The following RPL13A variants were observed in gnomAD, a reference collection of about 807,000 sequenced individuals.
RPL13A encodes the protein ribosomal protein L13a, also known as large ribosomal subunit protein uL13.
Under a neutral mutation model 30.8 loss-of-function variants are expected in RPL13A, and 4 were observed. The observed-to-expected ratio is 0.13, with a 90% confidence interval of 0.06 to 0.30. The LOEUF (loss-of-function observed/expected upper bound fraction) is 0.30. Among genes scored for constraint, RPL13A ranks in the 10% least tolerant of loss-of-function variants. The pLI, the probability that RPL13A is intolerant of heterozygous loss-of-function variation, is 1.00. For missense variants in RPL13A, 196 were observed against 272.6 expected (o/e 0.72, Z 1.98); for synonymous variants, 108 against 104.2 (o/e 1.04, Z -0.22).
In RPL13A at chr19:49,491,897, G is replaced by A; in HGVS notation, c.*82G>A. The A allele has an allele frequency of 8.7e-7, 1 of 1,143,274 alleles. No homozygotes were observed. The allele number at this position is 1,143,274 out of a possible 1,614,324, so 70.8% of individuals were successfully genotyped here. On this transcript the variant is annotated 3_prime_UTR_variant, in exon 8 of 8. Coordinates refer to ENST00000391857, the MANE Select transcript of RPL13A (RefSeq NM_012423.4). ...CTGGAATGTACGGGACCCAGGGGCA[G>A]CAGCAGTCCAGGTGCCACAGGCAGC...
At chr19:49,489,383 C>T (rs2079842025) in intron 1 of RPL13A, among the ~76,000 whole-genome samples, 1 of 151,928 alleles carries the variant, frequency 6.6e-6, no homozygotes, top group Non-Finnish European at 1.5e-5. Flanking sequence ...CGCCTGTAGT[C>T]CCAGCTACTC....
chr19:49,490,859 G>T lies in RPL13A; in HGVS notation c.337G>T (p.Asp113Tyr). Reference sequence around the variant, plus strand: ...GTTTGACGGCATCCCACCGCCCTACGACAAGGTGAGCTATGCCAAACCCCA... The same window carrying T: ...GTTTGACGGCATCCCACCGCCCTACTACAAGGTGAGCTATGCCAAACCCCA... ...KVFDGIPPPY[D>Y]KKKRMVVPAA... The change falls in exon 5 of 8, where the codon GAC (aspartate) becomes TAC (tyrosine). Residue 113 changes from aspartate to tyrosine, a missense_variant. By Grantham distance (160) the Asp-to-Tyr change is radical. Coordinates refer to ENST00000391857, the MANE Select transcript of RPL13A (RefSeq NM_012423.4). 6.2e-7 allele frequency: 1 copy of T among 1,614,102 alleles called. No homozygotes were observed. The highest frequency in any genetic ancestry group is 1.1e-5 in the South Asian group (1 of 91,074).
Position 49,487,719 on chromosome 19 carries a change from G to A in RPL13A, c.15+75G>A, listed in dbSNP as rs2079819148. 4.3e-6 allele frequency: 6 copies of A among 1,392,682 alleles called. No individual in the cohort carries two copies. The East Asian group carries it at 1.7e-4, about 40-fold the overall frequency. 86.3% of individuals were successfully genotyped at this position (1,392,682 alleles called of 1,614,324 possible). A position where few individuals can be genotyped will look rare whatever the true frequency, so the allele number is the denominator to read the frequency against. Reference sequence around the variant, plus strand: ...GCCGGAATGGGGTCGCACCCTCTCTGTCTTGCATGTTTTGCGGAGCTTAAC... The same window carrying A: ...GCCGGAATGGGGTCGCACCCTCTCTATCTTGCATGTTTTGCGGAGCTTAAC... On this transcript the variant is annotated intron_variant, in intron 1 of 7. Transcript: ENST00000391857.
chr19:49,490,920 C>T (rs2079860676), intron 5 of RPL13A, 56 bp downstream of exon 5: 1 of 1,605,822 alleles, frequency 6.2e-7, no homozygotes, highest in Non-Finnish European at 8.5e-7. Flanking sequence ...CCATGATGTT[C>T]CGCAACTACC....
At chr19:49,489,709 C>A in intron 1 of RPL13A, 141 bp from the exon 2 acceptor site, 2 of 720,124 alleles carry the variant, frequency 2.8e-6, no homozygotes, top group South Asian at 1.6e-5. Context: ...TAGAACGGGG[C>A]TCCGTGCATA....
chr19:49,490,381 A>AG, intron 3 of RPL13A, 84 bp downstream of exon 3: 1 of 1,588,282 alleles, frequency 6.3e-7, no homozygotes, highest in South Asian at 1.1e-5. Context: ...CCGTGTTGGG[A>AG]GAGGCTACTT....
chr19:49,491,266 G>A (rs1323522359), intron 6 of RPL13A, 159 bp from the exon 7 acceptor site: 2 of 1,165,234 alleles, frequency 1.7e-6, no homozygotes, highest in East Asian at 2.3e-5. Flanking sequence ...AGGAGGCTTG[G>A]GTGGGTGCTT....
rs777411635 is a variant in RPL13A, at chr19:49,491,830, GT to G, written c.*17del. On this transcript the variant is annotated 3_prime_UTR_variant, in exon 8 of 8. Coordinates refer to ENST00000391857, the MANE Select transcript of RPL13A (RefSeq NM_012423.4). ...TCCTGGTCTGAGCCCAATAAAGACT[GT>G]TAATTCCTCATGCGTTGCCTGCCCT... 1 of 1,582,386 alleles carries G rather than the reference GT, an allele frequency of 6.3e-7. No homozygotes were observed. The highest frequency in any genetic ancestry group is 1.3e-5 in the African/African-American group (1 of 74,642).
chr19:49,490,169 C>T, intron 2 of RPL13A, 63 bp from the exon 3 acceptor site: 1 of 1,480,112 alleles, frequency 6.8e-7, no homozygotes, highest in East Asian at 2.3e-5. Context: ...TGGAGGGTGA[C>T]TGCATAGGCA....
intron 3 of RPL13A, 84 bp from the exon 4 acceptor site, chr19:49,490,391 T>G: frequency 1.3e-6 from 2 of 1,588,648 alleles, no homozygotes; most frequent in Non-Finnish European, 1.7e-6. Context: ...AGAGGCTACT[T>G]GGGGTTTCTG....
chr19:49,490,757 C>T lies in RPL13A; in HGVS notation c.257-22C>T, dbSNP rs757782009. On this transcript the variant is annotated intron_variant, in intron 4 of 7. Transcript: ENST00000391857. ...ATCCTTATGAGGCCCTCTGACTGGG[C>T]CTGCTATCTGTCACCCAACAGGTAT... The T allele has an allele frequency of 3.0e-5, 49 of 1,613,778 alleles. 1 individual carries two copies. The South Asian group carries it at 4.8e-4, about 16-fold the overall frequency.
intron 1 of RPL13A, among the ~76,000 whole-genome samples, chr19:49,488,104 A>G (rs948460484): frequency 6.6e-6 from 1 of 152,040 alleles, no homozygotes; most frequent in Non-Finnish European, 1.5e-5. Flanking sequence ...TTTCACGTGG[A>G]GGTGTTAATC....
chr19:49,487,919 C>T (rs1484040155), intron 1 of RPL13A, among the ~76,000 whole-genome samples: 3 of 152,036 alleles, frequency 2.0e-5, no homozygotes, highest in South Asian at 2.1e-4. Flanking sequence ...TTACCTTGAA[C>T]TCGGGTAGTG....
In RPL13A at chr19:49,489,912, G is replaced by A. The variant is rs771774939; in HGVS notation, c.78G>A (p.Gln26=). 1 of 1,613,600 alleles carries A rather than the reference G, an allele frequency of 6.2e-7. No homozygotes were observed. The highest frequency in any genetic ancestry group is 8.5e-7 in the Non-Finnish European group (1 of 1,179,480). The change falls in exon 2 of 8, where the codon CAG becomes CAA. Residue 26 remains glutamine, a synonymous_variant. Transcript: ENST00000391857. ...LGRLAAIVAK[Q]VLLGRKVVVV... ...GCCTGGCGGCCATCGTGGCTAAACA[G>A]GTACTGCTGGGTAAGTCGCTGCTCG...
At chr19:49,491,188 C>A (rs772802653) in intron 6 of RPL13A, 89 bp downstream of exon 6, 6 of 1,447,220 alleles carry the variant, frequency 4.1e-6, no homozygotes, top group East Asian at 4.5e-5. Context: ...AGATGATGTC[C>A]TTATCTCACG....
At chr19:49,490,646 A>AT (rs1362551668) in intron 4 of RPL13A, 70 bp downstream of exon 4, 9 of 1,582,232 alleles carry the variant, frequency 5.7e-6, no homozygotes, top group South Asian at 1.1e-5. Context: ...TCCCACTCAC[A>AT]TTCGAGTTTC....
At chr19:49,488,740 G>C (rs2079834425) in intron 1 of RPL13A, among the ~76,000 whole-genome samples, 1 of 152,232 alleles carries the variant, frequency 6.6e-6, no homozygotes, top group African/African-American at 2.4e-5. Flanking sequence ...GAGTCTCGCT[G>C]TGACACCCAG....
At chr19:49,489,115 C>T (rs1337249366) in intron 1 of RPL13A, among the ~76,000 whole-genome samples, 2 of 152,220 alleles carry the variant, frequency 1.3e-5, no homozygotes, top group South Asian at 2.1e-4. Flanking sequence ...TCTGCCTAAT[C>T]TCATCCCACC....
intron 4 of RPL13A, 50 bp downstream of exon 4, chr19:49,490,626 T>G (rs2079856214): frequency 1.3e-6 from 2 of 1,593,946 alleles, no homozygotes; most frequent in East Asian, 4.5e-5. Context: ...CGGCCGGTGA[T>G]GAGAACTTCT....
Sources: allele counts gnomAD v4.1 joint callset (sites outside exome capture counted in the v4.1 genomes callset), GRCh38; gene constraint gnomAD v4.1.1; transcripts MANE v1.5; gene names NCBI Gene and HGNC (gene_info 2026-07-23, HGNC 2026-07-21).